The following CELF4 variants were observed in gnomAD, a reference collection of about 807,000 sequenced individuals.
CELF4 encodes the protein CUGBP Elav-like family member 4.
CELF4 carries 18 observed loss-of-function variants against 59.9 expected under a neutral mutation model. That is an observed-to-expected ratio of 0.30 (90% CI 0.21 to 0.45). The LOEUF is 0.45. Ranked by LOEUF, CELF4 falls within the 20% of genes least tolerant of loss-of-function variation. CELF4 has a pLI of 1.00. For synonymous variants in CELF4, 261 were observed against 267.1 expected, an observed-to-expected ratio of 0.98 and a Z score of 0.22; for missense variants, 456 against 689.0, an observed-to-expected ratio of 0.66 and a Z score of 3.79.
chr18:37,286,453 C>G lies in CELF4; in HGVS notation c.449-11210G>C, dbSNP rs113987132. Among the ~76,000 whole-genome samples, 70 of 152,260 alleles carry G rather than the reference C, an allele frequency of 4.6e-4. 1 individual carries two copies. Among genetic ancestry groups the G allele is most frequent in the African/African-American group, 1.6e-3 (68 of 41,560 alleles). On this transcript the variant is annotated intron_variant, in intron 3 of 12. Coordinates refer to ENST00000420428, the MANE Select transcript of CELF4 (RefSeq NM_020180.4). ...CAGCTGTGACCCAAATTTCCACAGTCGCACAGAGAGGGTGAGTGGGCATGG... is the reference window on the plus strand; with the variant it reads ...CAGCTGTGACCCAAATTTCCACAGTGGCACAGAGAGGGTGAGTGGGCATGG...
At chr18:37,258,277 A>G (rs1461687507) in intron 11 of CELF4, among the ~76,000 whole-genome samples, 1 of 130,296 alleles carries the variant, frequency 7.7e-6, no homozygotes, top group Non-Finnish European at 1.6e-5. Context: ...CCCTCTGCAT[A>G]GTGGAAACCC....
chr18:37,565,297 G>C, intron 1 of CELF4, 59 bp downstream of exon 1: 1 of 1,457,068 alleles, frequency 6.9e-7, no homozygotes, highest in Non-Finnish European at 9.1e-7. Flanking sequence ...CGGCCGGCCG[G>C]TCGGCCCGCC....
chr18:37,547,410 A>G (rs568128724), intron 1 of CELF4, among the ~76,000 whole-genome samples: 1 of 152,116 alleles, frequency 6.6e-6, no homozygotes, highest in Non-Finnish European at 1.5e-5. Flanking sequence ...CTTCCTTCCC[A>G]GTTGCCACCC....
chr18:37,521,972 GGTTACC>G (rs1359437463), intron 1 of CELF4, among the ~76,000 whole-genome samples: 1 of 152,204 alleles, frequency 6.6e-6, no homozygotes, highest in Non-Finnish European at 1.5e-5. Context: ...GGTTATAGCG[GGTTACC>G]GTCACTCAGC....
chr18:37,418,457 C>A (rs1382901045), intron 2 of CELF4, among the ~76,000 whole-genome samples: 1 of 152,288 alleles, frequency 6.6e-6, no homozygotes, highest in East Asian at 1.9e-4. Context: ...TGGGGCCTTC[C>A]TAGACTTGGC....
intron 2 of CELF4, 87 bp downstream of exon 2, chr18:37,485,437 CT>C (rs2099879109): frequency 2.6e-6 from 2 of 769,026 alleles, no homozygotes; most frequent in Non-Finnish European, 3.3e-6. Flanking sequence ...CTGCCGTCCT[CT>C]CCCCGCGCGC....
intron 2 of CELF4, among the ~76,000 whole-genome samples, chr18:37,433,355 G>T (rs1316069534): frequency 6.6e-6 from 1 of 152,124 alleles, no homozygotes; most frequent in African/African-American, 2.4e-5. Flanking sequence ...CCCATGCCCT[G>T]CTCTTGCCAA....
chr18:37,457,483 C>G (rs774788846), intron 2 of CELF4, among the ~76,000 whole-genome samples: 1 of 152,270 alleles, frequency 6.6e-6, no homozygotes, highest in East Asian at 1.9e-4. Flanking sequence ...TTCCACCAAC[C>G]CACTTCCCAG....
chr18:37,298,305 C>G (rs951424488), intron 3 of CELF4, among the ~76,000 whole-genome samples: 3 of 152,210 alleles, frequency 2.0e-5, no homozygotes, highest in African/African-American at 7.2e-5. Context: ...ATGTCCACCT[C>G]TCCTGTGTGA....
In CELF4 at chr18:37,518,919, C is replaced by T. The variant is rs547846942; in HGVS notation, c.287-33312G>A. 5.9e-5 allele frequency among the ~76,000 whole-genome samples: 9 copies of T among 152,318 alleles called. No homozygotes were observed. The South Asian group carries it at 6.2e-4, about 11-fold the overall frequency. The stretch of plus-strand genomic sequence containing the variant: ...TGCACATGCATTATGTACACATGCA[C>T]GCACAAGTAATTTTGCCTATAGGTA... On this transcript the variant is annotated intron_variant, in intron 1 of 12. Transcript: ENST00000420428.
Position 37,543,852 on chromosome 18 carries a change from G to A in CELF4, c.286+21504C>T, listed in dbSNP as rs184865244. 7.2e-5 allele frequency among the ~76,000 whole-genome samples: 11 copies of A among 152,284 alleles called. No individual in the cohort carries two copies. The East Asian group carries it at 1.4e-3, about 19-fold the overall frequency. ...TCCCTCTAGATGAATGAGAGAGGCC[G>A]CTACGTGGTCTGTGCCGCTGGGCAG... On this transcript the variant is annotated intron_variant, in intron 1 of 12. Transcript: ENST00000420428.
chr18:37,485,513 G>T lies in CELF4; in HGVS notation c.369+12C>A. 1.5e-6 allele frequency: 2 copies of T among 1,349,904 alleles called. No individual in the cohort carries two copies. The highest frequency in any genetic ancestry group is 6.0e-5 in the East Asian group (2 of 33,058). The allele number at this position is 1,349,904 out of a possible 1,614,324, so 83.6% of individuals were successfully genotyped here. ...CGCGTCGGCCGCTTGCGCCACGGCG[G>T]GCGCCACTTACCCCGGGCAGAGTCT... is the stretch of plus-strand genomic sequence containing the variant. On this transcript the variant is annotated intron_variant, in intron 2 of 12. Transcript: ENST00000420428.
intron 3 of CELF4, among the ~76,000 whole-genome samples, chr18:37,279,470 G>A (rs574255742): frequency 1.1e-4 from 17 of 152,308 alleles, no homozygotes; most frequent in African/African-American, 3.4e-4. Flanking sequence ...CCTGAGCTGC[G>A]GGGACTGAGG....
At chr18:37,522,923 G>A (rs890726121) in intron 1 of CELF4, among the ~76,000 whole-genome samples, 1 of 152,192 alleles carries the variant, frequency 6.6e-6, no homozygotes, top group Non-Finnish European at 1.5e-5. Flanking sequence ...CCCCTGACTC[G>A]GAGTGCTTCT....
intron 2 of CELF4, among the ~76,000 whole-genome samples, chr18:37,458,759 G>C (rs939089536): frequency 1.3e-5 from 2 of 152,174 alleles, no homozygotes; most frequent in African/African-American, 4.8e-5. Context: ...CACTTATAAA[G>C]TTTCTCGGGG....
intron 3 of CELF4, among the ~76,000 whole-genome samples, chr18:37,285,161 G>T (rs1052902354): frequency 3.3e-4 from 50 of 152,292 alleles, no homozygotes; most frequent in African/African-American, 1.1e-3. Flanking sequence ...GATTCCCATT[G>T]CCTGGGGTCC....
chr18:37,262,841 C>T (rs2075574702), intron 10 of CELF4, among the ~76,000 whole-genome samples: 1 of 152,110 alleles, frequency 6.6e-6, no homozygotes, highest in Non-Finnish European at 1.5e-5. Context: ...GATGAGGGGA[C>T]CACCCCCACC....
chr18:37,266,416 A>ACT, intron 9 of CELF4, 117 bp downstream of exon 9: 1 of 1,071,930 alleles, frequency 9.3e-7, no homozygotes, highest in Non-Finnish European at 1.4e-6. Flanking sequence ...CCCTCTTTCC[A>ACT]CTCTCTCTCC....
At chr18:37,430,036 C>T (rs991768525) in intron 2 of CELF4, among the ~76,000 whole-genome samples, 1 of 152,254 alleles carries the variant, frequency 6.6e-6, no homozygotes, top group Admixed American at 6.5e-5. Context: ...CCTCCTCCTT[C>T]AGCATCTTTC....
Sources: gnomAD v4.1 joint callset for allele counts (sites outside exome capture counted in the v4.1 genomes callset) on GRCh38, gnomAD v4.1.1 for gene constraint, MANE v1.5 for transcripts, NCBI Gene and HGNC (gene_info 2026-07-23, HGNC 2026-07-21) for gene names.